Variants in SEMA5A observed in about 807,000 individuals in gnomAD.
SEMA5A encodes the protein semaphorin 5A.
SEMA5A carries 55 observed loss-of-function variants against 135.5 expected under a neutral mutation model. The observed-to-expected ratio is 0.41, with a 90% CI of 0.33 to 0.51. SEMA5A has a LOEUF of 0.51. Ranked by LOEUF, SEMA5A falls within the 20% of genes least tolerant of loss-of-function variation. The pLI, the probability that SEMA5A is intolerant of heterozygous loss-of-function variation, is 0.37. For synonymous variants in SEMA5A, 580 were observed against 546.5 expected (o/e 1.06, Z -0.85); for missense variants, 1,290 against 1,419.9 (o/e 0.91, Z 1.47).
intron 5 of SEMA5A, among the ~76,000 whole-genome samples, chr5:9,281,846 A>G (rs1199102973): frequency 1.5e-5 from 2 of 132,620 alleles, no homozygotes; most frequent in Non-Finnish European, 3.2e-5. Context: ...TTTTTTTGAG[A>G]CAGAGCCTTG....
At chr5:9,297,171 T>C (rs1751377701) in intron 5 of SEMA5A, among the ~76,000 whole-genome samples, 1 of 151,312 alleles carries the variant, frequency 6.6e-6, no homozygotes, top group Non-Finnish European at 1.5e-5. Context: ...CATATATATA[T>C]ACATATACAT....
At chr5:9,065,986 AGAAACAT>A (rs1737442395) in intron 17 of SEMA5A, among the ~76,000 whole-genome samples, 2 of 152,236 alleles carry the variant, frequency 1.3e-5, no homozygotes, top group Non-Finnish European at 2.9e-5. Flanking sequence ...TTTTAAAAAC[AGAAACAT>A]CCTTTTATAG....
chr5:9,207,073 C>T (rs10076927), intron 8 of SEMA5A, among the ~76,000 whole-genome samples: 11,544 of 124,126 alleles, frequency 0.093, 712 homozygotes, highest in Middle Eastern at 0.17. Context: ...TTGAACAGAA[C>T]TTCACATAAT....
chr5:9,201,623 A>G (rs572033775), intron 9 of SEMA5A, among the ~76,000 whole-genome samples: 2 of 152,234 alleles, frequency 1.3e-5, no homozygotes, highest in Non-Finnish European at 2.9e-5. Flanking sequence ...AAAAATATAC[A>G]TATAATATGT....
intron 1 of SEMA5A, among the ~76,000 whole-genome samples, chr5:9,544,675 C>T (rs1738281071): frequency 6.6e-6 from 1 of 152,236 alleles, no homozygotes; most frequent in Non-Finnish European, 1.5e-5. Flanking sequence ...GAGGACGCCG[C>T]AGGCGCAGGA....
At chr5:9,290,334 T>C (rs1356219249) in intron 5 of SEMA5A, among the ~76,000 whole-genome samples, 2 of 152,222 alleles carry the variant, frequency 1.3e-5, no homozygotes, top group African/African-American at 4.8e-5. Flanking sequence ...TTACTTCACT[T>C]AGAATAATGG....
chr5:9,227,508 GATCCAACTGC>G (rs1392848121), intron 6 of SEMA5A, among the ~76,000 whole-genome samples: 1 of 151,822 alleles, frequency 6.6e-6, no homozygotes, highest in African/African-American at 2.4e-5. Context: ...TACTTTATGG[GATCCAACTGC>G]ATATTTTAAA....
intron 1 of SEMA5A, among the ~76,000 whole-genome samples, chr5:9,459,466 A>G (rs988854359): frequency 6.6e-6 from 1 of 152,226 alleles, no homozygotes. Flanking sequence ...TAGAGCTGAA[A>G]AAGCCTCCAG....
intron 5 of SEMA5A, among the ~76,000 whole-genome samples, chr5:9,313,511 A>C (rs1752237554): frequency 6.6e-6 from 1 of 152,338 alleles, no homozygotes; most frequent in African/African-American, 2.4e-5. Context: ...ACTAAGGGAC[A>C]GAAACTTGTA....
chr5:9,366,207 T>C (rs982305429), intron 3 of SEMA5A, among the ~76,000 whole-genome samples: 8 of 152,136 alleles, frequency 5.3e-5, no homozygotes, highest in African/African-American at 1.7e-4. Context: ...AAATTCTCAA[T>C]TGGAATATGG....
intron 5 of SEMA5A, among the ~76,000 whole-genome samples, chr5:9,240,006 T>C (rs189796213): frequency 4.7e-4 from 71 of 152,094 alleles, no homozygotes; most frequent in African/African-American, 1.2e-3. Flanking sequence ...AATGCCCAAA[T>C]AGCCTTTGCA....
intron 22 of SEMA5A, chr5:9,043,361 A>G (rs1736065606): frequency 4.8e-6 from 1 of 208,138 alleles, no homozygotes; most frequent in Non-Finnish European, 9.6e-6. Flanking sequence ...GTAACTGAAT[A>G]TATATAACTA....
intron 4 of SEMA5A, among the ~76,000 whole-genome samples, chr5:9,336,559 C>G (rs974211082): frequency 7.2e-5 from 11 of 152,184 alleles, no homozygotes; most frequent in Non-Finnish European, 1.2e-4. Context: ...TAGCCTTGTC[C>G]AATCCATACT....
chr5:9,323,837 T>C (rs1182655281), intron 4 of SEMA5A, among the ~76,000 whole-genome samples: 1 of 151,508 alleles, frequency 6.6e-6, no homozygotes, highest in Non-Finnish European at 1.5e-5. Context: ...AATTTTTATA[T>C]TTCTGGTAGA....
At chr5:9,307,891 T>C (rs1751945581) in intron 5 of SEMA5A, among the ~76,000 whole-genome samples, 1 of 146,792 alleles carries the variant, frequency 6.8e-6, no homozygotes, top group South Asian at 2.2e-4. Flanking sequence ...CTAAATGATA[T>C]ACATGACTAA....
chr5:9,374,164 G>T (rs774968402), intron 3 of SEMA5A, among the ~76,000 whole-genome samples: 8 of 152,156 alleles, frequency 5.3e-5, no homozygotes, highest in Non-Finnish European at 7.3e-5. Flanking sequence ...ACAGAGTCAG[G>T]CAAGTAACCT....
At chr5:9,213,104 G>C (rs1217151203) in intron 8 of SEMA5A, among the ~76,000 whole-genome samples, 1 of 152,106 alleles carries the variant, frequency 6.6e-6, no homozygotes, top group African/African-American at 2.4e-5. Flanking sequence ...TTGTTTACTC[G>C]GGCACGAATC....
At chr5:9,242,010 G>A (rs371672453) in intron 5 of SEMA5A, among the ~76,000 whole-genome samples, 6 of 152,254 alleles carry the variant, frequency 3.9e-5, no homozygotes, top group African/African-American at 1.2e-4. Flanking sequence ...ATTACACAAC[G>A]CCAAAAATTA....
chr5:9,508,338 A>G (rs1240348188), intron 1 of SEMA5A, among the ~76,000 whole-genome samples: 1 of 152,028 alleles, frequency 6.6e-6, no homozygotes, highest in Non-Finnish European at 1.5e-5. Context: ...AGCCTCCTAA[A>G]TATCTTTTAA....
Sources: gnomAD v4.1 joint callset for allele counts (sites outside exome capture counted in the v4.1 genomes callset) on GRCh38, gnomAD v4.1.1 for gene constraint, MANE v1.5 for transcripts, NCBI Gene and HGNC (gene_info 2026-07-23, HGNC 2026-07-21) for gene names.